RBFOX3: variants seen among roughly 807,000 people sequenced by gnomAD.
RBFOX3 encodes the protein RNA binding protein fox-1 homolog 3.
In RBFOX3, 17 loss-of-function variants were observed where a neutral mutation model predicts 48.7. That is an observed-to-expected ratio of 0.35 (90% CI 0.24 to 0.52). The LOEUF (loss-of-function observed/expected upper bound fraction) is 0.52. RBFOX3 is among the 20% of genes least tolerant of loss of function. The pLI is 0.94. For synonymous variants in RBFOX3, 212 were observed against 209.5 expected (o/e 1.01, Z -0.10); for missense variants, 382 against 497.5 (o/e 0.77, Z 2.21).
chr17:79,465,693 G>A (rs1005944561), intron 2 of RBFOX3, among the ~76,000 whole-genome samples: 1 of 152,220 alleles, frequency 6.6e-6, no homozygotes, highest in Non-Finnish European at 1.5e-5. Context: ...TTCTGGCCTG[G>A]AGGGCTCCCG....
chr17:79,482,881 C>T lies in RBFOX3; in HGVS notation c.-319-283G>A, dbSNP rs1264006371. On this transcript the variant is annotated intron_variant, in intron 1 of 14. Transcript: ENST00000693108. This position sits in a 1 kb window ranked among gnomAD's most constrained non-coding sequence, Gnocchi z 4.1. The stretch of plus-strand genomic sequence containing the variant: ...TCCCAGGGTCCGCCCCTCTCCCAGC[C>T]CGCTTGCAATGGTCCCCCAATCCCA... Among the ~76,000 whole-genome samples, 1 of 151,840 alleles carries T rather than the reference C, an allele frequency of 6.6e-6. No homozygotes were observed. Among genetic ancestry groups the T allele is most frequent in the Non-Finnish European group, 1.5e-5 (1 of 67,970 alleles).
At chr17:79,350,794 G>A (rs2083779910) in intron 2 of RBFOX3, among the ~76,000 whole-genome samples, 1 of 152,212 alleles carries the variant, frequency 6.6e-6, no homozygotes. Flanking sequence ...AGGGTGGCGT[G>A]AGCTGGCATG....
At chr17:79,413,081 T>C (rs1568205585) in intron 2 of RBFOX3, among the ~76,000 whole-genome samples, 1 of 152,098 alleles carries the variant, frequency 6.6e-6, no homozygotes, top group African/African-American at 2.4e-5. Flanking sequence ...GTTCTGCTGG[T>C]TTAAAAGCAG....
At chr17:79,422,097 G>C (rs2066500968) in intron 2 of RBFOX3, among the ~76,000 whole-genome samples, 1 of 152,088 alleles carries the variant, frequency 6.6e-6, no homozygotes, top group African/African-American at 2.4e-5. Flanking sequence ...GGGACTTGGA[G>C]CCTGGGGAGA....
intron 3 of RBFOX3, among the ~76,000 whole-genome samples, chr17:79,238,639 C>T (rs979835284): frequency 1.3e-5 from 2 of 152,246 alleles, no homozygotes; most frequent in African/African-American, 4.8e-5. Context: ...TTCACCCCAC[C>T]CCATCCAACC....
rs8075782 is a variant in RBFOX3, at chr17:79,442,640, C to T, written c.-175+39814G>A. Among the ~76,000 whole-genome samples, 186 of 152,228 alleles carry T rather than the reference C, an allele frequency of 1.2e-3. 5 individuals carry two copies. The East Asian group carries it at 0.028, about 23-fold the overall frequency. On this transcript the variant is annotated intron_variant, in intron 2 of 14. Transcript: ENST00000693108. ...TTGTGTGTTTCCACCTAGTACCTGC[C>T]GTGGGGGCTGCTGGTGCTCCAACCT...
At chr17:79,341,945 T>C (rs1178883710) in intron 2 of RBFOX3, among the ~76,000 whole-genome samples, 1 of 152,232 alleles carries the variant, frequency 6.6e-6, no homozygotes, top group Non-Finnish European at 1.5e-5. Flanking sequence ...GGAATTCATT[T>C]GGAAAATTTT....
intron 1 of RBFOX3, among the ~76,000 whole-genome samples, chr17:79,537,720 T>C (rs1555789130): frequency 1.3e-5 from 2 of 152,006 alleles, no homozygotes; most frequent in Non-Finnish European, 2.9e-5. Context: ...CTCTCCCCAG[T>C]CCCCCAAGGC....
intron 4 of RBFOX3, among the ~76,000 whole-genome samples, chr17:79,173,472 C>G (rs2049830757): frequency 6.6e-6 from 1 of 152,200 alleles, no homozygotes; most frequent in Admixed American, 6.5e-5. Context: ...CCTGTGCTGC[C>G]TGGTGGGGAG....
chr17:79,507,869 T>C (rs1352387355), intron 1 of RBFOX3, among the ~76,000 whole-genome samples: 1 of 152,200 alleles, frequency 6.6e-6, no homozygotes, highest in Non-Finnish European at 1.5e-5. Flanking sequence ...AAGCTGAGCC[T>C]TCCTGGGCCT....
At chr17:79,387,959 CATGT>C (rs1350715796) in intron 2 of RBFOX3, among the ~76,000 whole-genome samples, 3 of 151,790 alleles carry the variant, frequency 2.0e-5, no homozygotes, top group Non-Finnish European at 4.4e-5. Context: ...CATGTACATG[CATGT>C]GTGAACGTGT....
chr17:79,215,568 G>A (rs545174610), intron 4 of RBFOX3, among the ~76,000 whole-genome samples: 5 of 152,226 alleles, frequency 3.3e-5, no homozygotes, highest in Non-Finnish European at 7.3e-5. Context: ...CCCACACGGA[G>A]CTCACAGTCA....
intron 2 of RBFOX3, among the ~76,000 whole-genome samples, chr17:79,465,560 C>T (rs2076196979): frequency 6.7e-6 from 1 of 149,834 alleles, no homozygotes; most frequent in Non-Finnish European, 1.5e-5. Flanking sequence ...CCCACATTTA[C>T]ATGCAAGCAC....
At chr17:79,637,085 C>T in the RBFOX3 span, among the ~76,000 whole-genome samples, 24 of 152,250 alleles carry the variant, frequency 1.6e-4, no homozygotes, top group African/African-American at 5.3e-4. Context: ...ATAAAAGGGT[C>T]ATTTCTACAA....
At chr17:79,186,694 G>GA (rs1024309051) in intron 4 of RBFOX3, among the ~76,000 whole-genome samples, 11 of 152,194 alleles carry the variant, frequency 7.2e-5, no homozygotes, top group African/African-American at 1.4e-4. Context: ...AAAGAGGCAA[G>GA]AAAAAATACC....
At chr17:79,597,672 A>G (rs2093602179) in intron 1 of RBFOX3, among the ~76,000 whole-genome samples, 1 of 152,190 alleles carries the variant, frequency 6.6e-6, no homozygotes, top group Admixed American at 6.5e-5. Context: ...CAGCCTCTGC[A>G]TCCACGGTCA....
chr17:79,628,068 G>A, the RBFOX3 span, among the ~76,000 whole-genome samples: 1 of 152,036 alleles, frequency 6.6e-6, no homozygotes, highest in Non-Finnish European at 1.5e-5. Context: ...CCAGGCCTCA[G>A]AGAAAGCGGC....
chr17:79,358,643 T>C (rs2044317487), intron 2 of RBFOX3, among the ~76,000 whole-genome samples: 1 of 152,018 alleles, frequency 6.6e-6, no homozygotes, highest in Admixed American at 6.6e-5. Flanking sequence ...GTATTTTTAG[T>C]AGAGAAGGGG....
At chr17:79,281,359 AT>A (rs2070435704) in intron 3 of RBFOX3, among the ~76,000 whole-genome samples, 1 of 151,284 alleles carries the variant, frequency 6.6e-6, no homozygotes, top group African/African-American at 2.4e-5. Flanking sequence ...GTTTGGATAT[AT>A]GGGGTTAGCT....
Sources: gnomAD v4.1 joint callset for allele counts (sites outside exome capture counted in the v4.1 genomes callset) on GRCh38, gnomAD v4.1.1 for gene constraint, Gnocchi (gnomAD v3.1) non-coding constraint, MANE v1.5 for transcripts, NCBI Gene and HGNC (gene_info 2026-07-23, HGNC 2026-07-21) for gene names.